The following DOK6 variants were observed in gnomAD, a reference collection of about 807,000 sequenced individuals.
DOK6 encodes docking protein 6.
A neutral mutation model predicts 44.0 loss-of-function variants in DOK6; 22 were observed. The observed-to-expected ratio is 0.50, with a 90% CI of 0.36 to 0.71. The LOEUF (loss-of-function observed/expected upper bound fraction) is 0.71. DOK6 is among the 30% of genes least tolerant of loss of function. The probability of loss-of-function intolerance (pLI) is 0.00; values close to 1 mark genes in which losing one functional copy is unlikely to be tolerated. For synonymous variants in DOK6, 166 were observed against 145.5 expected, an observed-to-expected ratio of 1.14 and a Z score of -1.01; for missense variants, 340 against 416.4, an observed-to-expected ratio of 0.82 and a Z score of 1.60.
At chr18:69,697,132 ATT>A (rs77244235) in intron 4 of DOK6, among the ~76,000 whole-genome samples, 3 of 151,490 alleles carry the variant, frequency 2.0e-5, no homozygotes, top group Admixed American at 2.0e-4. Context: ...TAATTCAAAT[ATT>A]TTTTTTGGCA....
At chr18:69,636,406 G>C (rs990141187) in intron 3 of DOK6, among the ~76,000 whole-genome samples, 2 of 152,146 alleles carry the variant, frequency 1.3e-5, no homozygotes, top group Non-Finnish European at 2.9e-5. Flanking sequence ...CCTTTCTTCT[G>C]TCTATGTATA....
chr18:69,777,160 G>A (rs1463820393), intron 7 of DOK6, among the ~76,000 whole-genome samples: 2 of 150,628 alleles, frequency 1.3e-5, no homozygotes, highest in African/African-American at 2.4e-5. Flanking sequence ...AAAAAGACAG[G>A]ATAAAAAAGT....
At chr18:69,754,018 A>G (rs752019757) in intron 6 of DOK6, among the ~76,000 whole-genome samples, 1 of 152,192 alleles carries the variant, frequency 6.6e-6, no homozygotes, top group Non-Finnish European at 1.5e-5. Flanking sequence ...TTGTTGATAT[A>G]CATACTTTTA....
intron 3 of DOK6, among the ~76,000 whole-genome samples, chr18:69,636,252 C>G (rs932027925): frequency 6.6e-6 from 1 of 152,164 alleles, no homozygotes; most frequent in African/African-American, 2.4e-5. Context: ...CTGACCAAAT[C>G]TTAAAATGAG....
chr18:69,445,630 T>A (rs1017639383), intron 1 of DOK6, among the ~76,000 whole-genome samples: 3 of 152,220 alleles, frequency 2.0e-5, no homozygotes, highest in African/African-American at 7.2e-5. Flanking sequence ...AACCACTCTT[T>A]CATTTCTAAA....
intron 7 of DOK6, among the ~76,000 whole-genome samples, chr18:69,829,044 A>G (rs1981830171): frequency 1.3e-5 from 2 of 150,874 alleles, no homozygotes; most frequent in Non-Finnish European, 3.0e-5. Flanking sequence ...CACATAGTAA[A>G]GCAGCAAAAA....
At chr18:69,711,974 T>C (rs1340833673) in intron 5 of DOK6, among the ~76,000 whole-genome samples, 1 of 152,152 alleles carries the variant, frequency 6.6e-6, no homozygotes, top group Admixed American at 6.5e-5. Context: ...TCATTCTCTA[T>C]ACTGGCATAA....
At chr18:69,553,219 A>C (rs1982607318) in intron 1 of DOK6, among the ~76,000 whole-genome samples, 1 of 152,242 alleles carries the variant, frequency 6.6e-6, no homozygotes, top group Non-Finnish European at 1.5e-5. Context: ...AAAGATAATA[A>C]AACATCGACT....
At chr18:69,406,612 C>T (rs1251267590) in intron 1 of DOK6, among the ~76,000 whole-genome samples, 1 of 152,142 alleles carries the variant, frequency 6.6e-6, no homozygotes, top group Non-Finnish European at 1.5e-5. Context: ...AAAGATAATA[C>T]TCAGTACTTA....
chr18:69,495,006 G>A (rs1980842142), intron 1 of DOK6, among the ~76,000 whole-genome samples: 1 of 152,196 alleles, frequency 6.6e-6, no homozygotes, highest in African/African-American at 2.4e-5. Context: ...AGGGGTGTGT[G>A]AGGGAGCAAG....
chr18:69,782,149 T>A (rs534737798), intron 7 of DOK6, among the ~76,000 whole-genome samples: 2 of 152,200 alleles, frequency 1.3e-5, no homozygotes, highest in South Asian at 2.1e-4. Context: ...TTCCTTTTTT[T>A]TCTGTCAGTG....
intron 7 of DOK6, among the ~76,000 whole-genome samples, chr18:69,827,131 A>C (rs1414975492): frequency 1.3e-5 from 2 of 152,122 alleles, no homozygotes; most frequent in African/African-American, 2.4e-5. Context: ...ATGAGCTTCC[A>C]AACCATAAAT....
At chr18:69,543,722 G>A (rs1354391657) in intron 1 of DOK6, among the ~76,000 whole-genome samples, 1 of 151,346 alleles carries the variant, frequency 6.6e-6, no homozygotes, top group Admixed American at 6.6e-5. Flanking sequence ...AAATATTTCT[G>A]CACCTTGATT....
At chr18:69,570,742 G>A (rs1424345173) in intron 2 of DOK6, among the ~76,000 whole-genome samples, 1 of 152,032 alleles carries the variant, frequency 6.6e-6, no homozygotes, top group East Asian at 1.9e-4. Flanking sequence ...AACCAGAAAA[G>A]TCTGTGGGAC....
At chr18:69,476,590 A>C (rs962734794) in intron 1 of DOK6, among the ~76,000 whole-genome samples, 1 of 152,284 alleles carries the variant, frequency 6.6e-6, no homozygotes, top group South Asian at 2.1e-4. Context: ...AAGAGAAAGC[A>C]GGAGGTGGCC....
At chr18:69,728,945 C>T (rs1305803334) in intron 5 of DOK6, among the ~76,000 whole-genome samples, 1 of 152,070 alleles carries the variant, frequency 6.6e-6, no homozygotes, top group East Asian at 1.9e-4. Flanking sequence ...AAGGACAGCC[C>T]CTGCAGTGCA....
rs33984742 is a variant in DOK6 at position 69,549,870 on chromosome 18, A to ATTT, written c.67-14605_67-14603dup. Among the ~76,000 whole-genome samples the ATTT allele has an allele frequency of 1.1e-3, 152 of 143,192 alleles. 3 individuals carry two copies. The highest frequency in any genetic ancestry group is 1.5e-3 in the Admixed American group (22 of 14,326). The allele number at this position is 143,192 out of a possible 152,430, so 93.9% of individuals were successfully genotyped here. A position where few individuals can be genotyped will look rare whatever the true frequency, so the allele number is the denominator to read the frequency against. Reference sequence around the variant, plus strand: ...AAGAAAACGTGGGGAAGAGTTTTTAATTTTTTTTTTTTTTGCCTATCTAGG... The same window carrying ATTT: ...AAGAAAACGTGGGGAAGAGTTTTTAATTTTTTTTTTTTTTTTTGCCTATCTAGG... On this transcript the variant is annotated intron_variant, in intron 1 of 7. Transcript: ENST00000382713.
intron 2 of DOK6, among the ~76,000 whole-genome samples, chr18:69,582,869 G>A (rs1277286601): frequency 1.3e-5 from 2 of 151,510 alleles, no homozygotes; most frequent in African/African-American, 4.9e-5. Flanking sequence ...AGATCCATTC[G>A]CATTTCTATG....
In DOK6 at chr18:69,711,488, A is replaced by G. The variant is rs114679747; in HGVS notation, c.599+12895A>G. ...ATTAAAAACAAAGCAATTAGTTGGT[A>G]TATTCTCTGAATCATTTCTTTGGAA... On this transcript the variant is annotated intron_variant, in intron 5 of 7. Coordinates refer to ENST00000382713, the MANE Select transcript of DOK6 (RefSeq NM_152721.6). Among the ~76,000 whole-genome samples the G allele has an allele frequency of 2.9e-3, 445 of 152,366 alleles. 5 individuals carry two copies. The highest frequency in any genetic ancestry group is 9.9e-3 in the African/African-American group (410 of 41,584).
Sources: allele counts gnomAD v4.1 joint callset (sites outside exome capture counted in the v4.1 genomes callset), GRCh38; gene constraint gnomAD v4.1.1; transcripts MANE v1.5; gene names NCBI Gene and HGNC (gene_info 2026-07-23, HGNC 2026-07-21).